The following USP37 variants were observed in gnomAD, a reference collection of about 807,000 sequenced individuals.
USP37 encodes the protein ubiquitin carboxyl-terminal hydrolase 37.
A neutral mutation model predicts 124.0 loss-of-function variants in USP37; 27 were observed. The observed-to-expected ratio is 0.22, with a 90% CI of 0.16 to 0.30. USP37 has a LOEUF of 0.30. Among genes scored for constraint, USP37 ranks in the 10% least tolerant of loss-of-function variants. The probability of loss-of-function intolerance (pLI) is 1.00; values close to 1 mark genes in which losing one functional copy is unlikely to be tolerated. For synonymous variants in USP37, 365 were observed against 388.0 expected (o/e 0.94, Z 0.70); for missense variants, 889 against 1,140.4 (o/e 0.78, Z 3.17).
intron 22 of USP37, among the ~76,000 whole-genome samples, chr2:218,460,797 C>T (rs1185000537): frequency 6.6e-6 from 1 of 151,950 alleles, no homozygotes; most frequent in African/African-American, 2.4e-5. Flanking sequence ...AAAAATTAGC[C>T]AGGTGTGGTG....
At chr2:218,540,040 T>G (rs1691887169) in intron 8 of USP37, among the ~76,000 whole-genome samples, 1 of 152,106 alleles carries the variant, frequency 6.6e-6, no homozygotes, top group Non-Finnish European at 1.5e-5. Flanking sequence ...ATTTCTTTGT[T>G]GAGAGCTTTT....
At chr2:218,518,237 C>G (rs1690406468) in intron 10 of USP37, among the ~76,000 whole-genome samples, 1 of 152,010 alleles carries the variant, frequency 6.6e-6, no homozygotes, top group South Asian at 2.1e-4. Context: ...TTTTTCATTT[C>G]TAGATTTTCT....
chr2:218,465,980 A>G, intron 21 of USP37, 30 bp downstream of exon 21: 1 of 1,596,520 alleles, frequency 6.3e-7, no homozygotes, highest in South Asian at 1.1e-5. Flanking sequence ...AGGTAAGTAC[A>G]GAGAAAGTAG....
chr2:218,541,198 AG>A (rs1691952084), intron 8 of USP37, among the ~76,000 whole-genome samples: 1 of 152,108 alleles, frequency 6.6e-6, no homozygotes, highest in African/African-American at 2.4e-5. Flanking sequence ...TAGTTCCCAG[AG>A]GGGGTGCTTT....
At chr2:218,475,147 ATAAAT>A (rs1690899465) in intron 19 of USP37, among the ~76,000 whole-genome samples, 1 of 152,196 alleles carries the variant, frequency 6.6e-6, no homozygotes, top group Non-Finnish European at 1.5e-5. Flanking sequence ...AAATAATAAA[ATAAAT>A]TCATTCAAAA....
intron 20 of USP37, 58 bp downstream of exon 20, chr2:218,474,572 C>A: frequency 6.3e-7 from 1 of 1,591,204 alleles, no homozygotes; most frequent in Middle Eastern, 1.7e-4. Flanking sequence ...TTTGTCACTA[C>A]AAAACTTTGA....
intron 21 of USP37, 72 bp from the exon 22 acceptor site, chr2:218,463,438 C>T: frequency 7.2e-7 from 1 of 1,395,224 alleles, no homozygotes; most frequent in South Asian, 1.2e-5. Flanking sequence ...AGGATAAAAT[C>T]AGTTTCTCTG....
intron 21 of USP37, 131 bp from the exon 22 acceptor site, chr2:218,463,497 A>G (rs1350545344): frequency 1.4e-5 from 7 of 494,926 alleles, no homozygotes; most frequent in Non-Finnish European, 3.4e-6. Flanking sequence ...TGTTTGGAAT[A>G]TTACCTTTTG....
At chr2:218,482,893 G>A (rs182994075) in intron 16 of USP37, among the ~76,000 whole-genome samples, 176 of 152,178 alleles carry the variant, frequency 1.2e-3, no homozygotes, top group South Asian at 2.7e-3. Context: ...CACAGAACAC[G>A]ATCTCTGCTT....
At chr2:218,499,046 G>A (rs964867649) in intron 11 of USP37, among the ~76,000 whole-genome samples, 8 of 152,230 alleles carry the variant, frequency 5.3e-5, no homozygotes, top group South Asian at 2.1e-4. Flanking sequence ...AGGCCAAGGC[G>A]GGTGGATCAC....
At chr2:218,477,119 T>C in intron 18 of USP37, 138 bp from the exon 19 acceptor site, 1 of 1,020,246 alleles carries the variant, frequency 9.8e-7, no homozygotes, top group Non-Finnish European at 1.3e-6. Flanking sequence ...AAAAGAGGTA[T>C]ATTTCAGCAT....
chr2:218,503,532 A>G (rs1689508654), intron 11 of USP37, among the ~76,000 whole-genome samples: 1 of 152,186 alleles, frequency 6.6e-6, no homozygotes, highest in Non-Finnish European at 1.5e-5. Context: ...CCTGACCAAT[A>G]TGGAGAAACC....
chr2:218,503,994 A>G lies in USP37; in HGVS notation c.1026-5837T>C, dbSNP rs565687417. Among the ~76,000 whole-genome samples the G allele has an allele frequency of 1.3e-4, 20 of 152,278 alleles. No individual in the cohort carries two copies. In the South Asian group the frequency reaches 3.5e-3, roughly 27 times the overall value. ...ATAAAAATGTGGAGTCACTATTAAT[A>G]TAAGACACAGCAGACTTCAGAAAAA... On this transcript the variant is annotated intron_variant, in intron 11 of 25. Coordinates refer to ENST00000258399, the MANE Select transcript of USP37 (RefSeq NM_020935.3).
In USP37 at chr2:218,466,034, T is replaced by C. The variant is rs1204287499; in HGVS notation, c.2442A>G (p.Ala814=). 1 of 1,611,738 alleles carries C rather than the reference T, an allele frequency of 6.2e-7. No homozygotes were observed. Among genetic ancestry groups the C allele is most frequent in the African/African-American group, 1.3e-5 (1 of 74,756 alleles). ...REREEQELQQ[A]LAQSLQEQEA... ...CTTGCTCTTGAAGGCTCTGAGCCAGTGCCTGCTGAAGCTCTTGCTCTTCCC... is the reference window on the plus strand; with the variant it reads ...CTTGCTCTTGAAGGCTCTGAGCCAGCGCCTGCTGAAGCTCTTGCTCTTCCC... Residue 814 remains alanine, a synonymous_variant, in exon 21 of 26, where the codon GCA becomes GCG. Transcript: ENST00000258399.
intron 10 of USP37, chr2:218,528,778 T>A (rs998510813): frequency 4.8e-6 from 2 of 413,190 alleles, no homozygotes; most frequent in Non-Finnish European, 8.3e-6. Flanking sequence ...AGCAGGTATC[T>A]TATGTATTTA....
At chr2:218,485,991 A>G in intron 15 of USP37, 1 of 408,960 alleles carries the variant, frequency 2.4e-6, no homozygotes, top group East Asian at 4.0e-5. Context: ...TAAATTTATG[A>G]TAGTAACTAG....
Position 218,553,615 on chromosome 2 carries a change from C to G in USP37, c.266G>C (p.Ser89Thr). Reference sequence around the variant, plus strand: ...CAACCTCATTTCCTCTGCATCCTTACTTGGTACTTTGTCAATAGACAAGAA... The same window carrying G: ...CAACCTCATTTCCTCTGCATCCTTAGTTGGTACTTTGTCAATAGACAAGAA... ...NSFLSIDKVPSKDAEEMRLFL... is the reference protein window; with the variant it reads ...NSFLSIDKVPTKDAEEMRLFL... The change falls in exon 5 of 26, where the codon AGT becomes ACT. Residue 89 changes from serine to threonine, a missense_variant. Physicochemically the swap from Ser to Thr is moderately conservative, Grantham distance 58. This residue lies in a region of USP37 where 374 missense variants were observed against 386.0 expected (regional missense o/e 0.97). Transcript: ENST00000258399. 6.2e-7 allele frequency: 1 copy of G among 1,613,950 alleles called. No individual in the cohort carries two copies. The highest frequency in any genetic ancestry group is 8.5e-7 in the Non-Finnish European group (1 of 1,179,932).
In USP37 at chr2:218,558,551, T is replaced by G; in HGVS notation, c.103A>C (p.Lys35Gln). 2 of 1,613,686 alleles carry G rather than the reference T, an allele frequency of 1.2e-6. No individual in the cohort carries two copies. Among genetic ancestry groups the G allele is most frequent in the Non-Finnish European group, 1.7e-6 (2 of 1,179,848 alleles). Reference sequence around the variant, plus strand: ...TTGTAGTGAACTACTAGGCTGACTTTATTCTCTTTTTCTACAATTTCAAAG... The same window carrying G: ...TTGTAGTGAACTACTAGGCTGACTTGATTCTCTTTTTCTACAATTTCAAAG... ...GSFEIVEKENKVSLVVHYNTG... is the reference protein window; with the variant it reads ...GSFEIVEKENQVSLVVHYNTG... Residue 35 changes from lysine (K) to glutamine (Q), a missense_variant, in exon 4 of 26, where the codon AAA becomes CAA. This residue lies in a region of USP37 where 374 missense variants were observed against 386.0 expected (regional missense o/e 0.97). Transcript: ENST00000258399.
chr2:218,565,551 T>G (rs1686775086), intron 1 of USP37, among the ~76,000 whole-genome samples: 1 of 152,252 alleles, frequency 6.6e-6, no homozygotes, highest in Admixed American at 6.5e-5. Context: ...TTTTCTCATG[T>G]GTCCTCTAAC....
Sources: allele counts gnomAD v4.1 joint callset (sites outside exome capture counted in the v4.1 genomes callset), GRCh38; gene constraint gnomAD v4.1.1; regional missense constraint gnomAD v4.1.1; transcripts MANE v1.5; gene names NCBI Gene and HGNC (gene_info 2026-07-23, HGNC 2026-07-21).